Variants in NRG3 observed in about 807,000 individuals in gnomAD.
NRG3 encodes neuregulin 3, also known as pro-neuregulin-3, membrane-bound isoform.
A neutral mutation model predicts 66.9 loss-of-function variants in NRG3; 31 were observed. The observed-to-expected ratio is 0.46, with a 90% CI of 0.35 to 0.63. NRG3 has a LOEUF of 0.63. NRG3 is among the 20% of genes least tolerant of loss of function. NRG3 has a pLI of 0.00. For synonymous variants in NRG3, 393 were observed against 359.4 expected (o/e 1.09, Z -1.06); for missense variants, 910 against 878.9 (o/e 1.04, Z -0.45).
Position 82,258,151 on chromosome 10 carries a change from A to G in NRG3, c.824-100588A>G, listed in dbSNP as rs112058403. Among the ~76,000 whole-genome samples, 950 of 152,316 alleles carry G rather than the reference A, an allele frequency of 6.2e-3. 5 individuals carry two copies. The highest frequency in any genetic ancestry group is 0.021 in the African/African-American group (854 of 41,562). On this transcript the variant is annotated intron_variant, in intron 1 of 8. Transcript: ENST00000372141. Reference sequence around the variant, plus strand: ...GCAGCAGTGCTGTAGGTGCTGTACGAGAATAAAATGCATCAGTTAAAAATT... The same window carrying G: ...GCAGCAGTGCTGTAGGTGCTGTACGGGAATAAAATGCATCAGTTAAAAATT...
At chr10:82,603,846 T>G (rs1264297064) in intron 2 of NRG3, among the ~76,000 whole-genome samples, 1 of 152,190 alleles carries the variant, frequency 6.6e-6, no homozygotes, top group East Asian at 1.9e-4. Flanking sequence ...GCATTGGATT[T>G]CATACAAATG....
intron 4 of NRG3, among the ~76,000 whole-genome samples, chr10:82,897,039 A>G (rs1843719050): frequency 6.6e-6 from 1 of 152,210 alleles, no homozygotes; most frequent in African/African-American, 2.4e-5. Context: ...AAATGCGAAG[A>G]CCACCAACTT....
chr10:82,023,227 C>A (rs980499000), intron 1 of NRG3, among the ~76,000 whole-genome samples: 6 of 151,952 alleles, frequency 3.9e-5, no homozygotes, highest in African/African-American at 1.4e-4. Flanking sequence ...TGCCATTTTA[C>A]TGAATTCATT....
intron 3 of NRG3, chr10:82,799,714 C>A (rs544935529): frequency 5.3e-5 from 8 of 152,140 alleles, no homozygotes; most frequent in African/African-American, 1.9e-4. Flanking sequence ...CTCTAGGGTT[C>A]CTTCTAATTC....
chr10:82,922,726 G>C (rs1325856219), intron 4 of NRG3, among the ~76,000 whole-genome samples: 3 of 152,302 alleles, frequency 2.0e-5, no homozygotes, highest in Non-Finnish European at 4.4e-5. Context: ...TCCATAGTGA[G>C]AGTGTGCCAA....
intron 3 of NRG3, among the ~76,000 whole-genome samples, chr10:82,827,566 G>A (rs2062298735): frequency 6.6e-6 from 1 of 152,056 alleles, no homozygotes; most frequent in South Asian, 2.1e-4. Context: ...AGCAAAGGGT[G>A]GACTTTTAAT....
intron 1 of NRG3, among the ~76,000 whole-genome samples, chr10:82,106,882 A>G (rs1413636858): frequency 6.6e-6 from 1 of 152,194 alleles, no homozygotes; most frequent in Non-Finnish European, 1.5e-5. Context: ...GTATCTTGCA[A>G]AAAGAGAAAT....
chr10:82,571,056 A>G (rs1161697563), intron 2 of NRG3, among the ~76,000 whole-genome samples: 1 of 151,516 alleles, frequency 6.6e-6, no homozygotes. Context: ...GACTCAATTT[A>G]TTATAAATGT....
chr10:82,540,381 C>T (rs986968194), intron 2 of NRG3, among the ~76,000 whole-genome samples: 1 of 152,030 alleles, frequency 6.6e-6, no homozygotes, highest in African/African-American at 2.4e-5. Context: ...AAGTTCTTCC[C>T]TTCCTTCTTT....
intron 4 of NRG3, among the ~76,000 whole-genome samples, chr10:82,896,115 T>G (rs1353463647): frequency 6.6e-6 from 1 of 152,154 alleles, no homozygotes; most frequent in African/African-American, 2.4e-5. Context: ...GAAAGTGATT[T>G]GGGGGTTTGC....
chr10:82,595,733 C>T (rs550936884), intron 2 of NRG3, among the ~76,000 whole-genome samples: 5 of 151,632 alleles, frequency 3.3e-5, no homozygotes, highest in Admixed American at 6.6e-5. Context: ...TGCAGTGAGC[C>T]GAGATCATGC....
chr10:82,363,578 C>G (rs1227655634), intron 2 of NRG3, among the ~76,000 whole-genome samples: 1 of 152,182 alleles, frequency 6.6e-6, no homozygotes, highest in East Asian at 1.9e-4. Context: ...GCCTCAGCCT[C>G]CCTGGTAGCT....
At chr10:82,553,699 C>T (rs1373416792) in intron 2 of NRG3, among the ~76,000 whole-genome samples, 1 of 152,018 alleles carries the variant, frequency 6.6e-6, no homozygotes, top group African/African-American at 2.4e-5. Flanking sequence ...GAGAATAACT[C>T]ACGGAAGTCT....
intron 4 of NRG3, among the ~76,000 whole-genome samples, chr10:82,903,715 A>C (rs1844452420): frequency 1.3e-5 from 2 of 152,102 alleles, no homozygotes; most frequent in Admixed American, 1.3e-4. Flanking sequence ...TCTGATACAT[A>C]TACCAAATAT....
chr10:82,418,824 CT>C (rs2088835853), intron 2 of NRG3, among the ~76,000 whole-genome samples: 6 of 151,792 alleles, frequency 4.0e-5, no homozygotes, highest in African/African-American at 1.5e-4. Flanking sequence ...TGGTCTCAAA[CT>C]CCTGGTCTTA....
intron 1 of NRG3, among the ~76,000 whole-genome samples, chr10:81,973,343 A>G (rs1023224752): frequency 2.6e-5 from 4 of 152,132 alleles, no homozygotes; most frequent in Non-Finnish European, 5.9e-5. Flanking sequence ...ATGTTTTGCT[A>G]TTGTGAATAG....
At chr10:82,081,615 G>A (rs2065400366) in intron 1 of NRG3, among the ~76,000 whole-genome samples, 1 of 152,014 alleles carries the variant, frequency 6.6e-6, no homozygotes, top group African/African-American at 2.4e-5. Flanking sequence ...CTCAGATTTG[G>A]GATTTTAATT....
chr10:82,464,158 GCT>G (rs1564951763), intron 2 of NRG3, among the ~76,000 whole-genome samples: 1 of 152,100 alleles, frequency 6.6e-6, no homozygotes, highest in Non-Finnish European at 1.5e-5. Flanking sequence ...TTGAAGGTCA[GCT>G]AGCTTTTAAA....
intron 1 of NRG3, among the ~76,000 whole-genome samples, chr10:82,019,566 C>G (rs1271754428): frequency 3.9e-5 from 6 of 152,116 alleles, no homozygotes; most frequent in Non-Finnish European, 7.3e-5. Flanking sequence ...CCATCTGGTC[C>G]TGGAATTTTT....
Sources: gnomAD v4.1 joint callset for allele counts (sites outside exome capture counted in the v4.1 genomes callset) on GRCh38, gnomAD v4.1.1 for gene constraint, MANE v1.5 for transcripts, NCBI Gene and HGNC (gene_info 2026-07-23, HGNC 2026-07-21) for gene names.